USP47: variants seen among roughly 807,000 people sequenced by gnomAD.
The protein encoded by USP47 is ubiquitin carboxyl-terminal hydrolase 47.
A neutral mutation model predicts 165.1 loss-of-function variants in USP47; 35 were observed. The observed-to-expected ratio is 0.21, with a 90% CI of 0.16 to 0.28. USP47 has a LOEUF of 0.28. Ranked by LOEUF, USP47 falls within the 10% of genes least tolerant of loss-of-function variation. USP47 has a pLI of 1.00. For synonymous variants in USP47, 531 were observed against 544.5 expected, an observed-to-expected ratio of 0.98 and a Z score of 0.35; for missense variants, 1,277 against 1,607.4, an observed-to-expected ratio of 0.79 and a Z score of 3.52.
chr11:11,851,821 A>G (rs1324576161), intron 1 of USP47, among the ~76,000 whole-genome samples: 1 of 152,046 alleles, frequency 6.6e-6, no homozygotes, highest in Non-Finnish European at 1.5e-5. Flanking sequence ...AATGGCTCTC[A>G]ATTTGGGTTT....
At chr11:11,889,415 C>A (rs1851370731) in intron 3 of USP47, among the ~76,000 whole-genome samples, 1 of 151,994 alleles carries the variant, frequency 6.6e-6, no homozygotes, top group African/African-American at 2.4e-5. Context: ...TGTATACCAA[C>A]AACAGGCAAG....
intron 20 of USP47, among the ~76,000 whole-genome samples, chr11:11,946,132 T>G (rs1855822320): frequency 6.6e-6 from 1 of 152,162 alleles, no homozygotes; most frequent in East Asian, 1.9e-4. Flanking sequence ...AGCCAATAAA[T>G]TAACACTCTT....
chr11:11,858,819 A>G (rs904988347), intron 1 of USP47, among the ~76,000 whole-genome samples: 1 of 152,162 alleles, frequency 6.6e-6, no homozygotes, highest in African/African-American at 2.4e-5. Context: ...GGTTGTTTCC[A>G]GTTTTTGGTG....
chr11:11,889,359 A>G (rs1851367215), intron 3 of USP47, among the ~76,000 whole-genome samples: 2 of 152,218 alleles, frequency 1.3e-5, no homozygotes, highest in Non-Finnish European at 2.9e-5. Flanking sequence ...CAACTTCAGC[A>G]AAGTCTCAGG....
At chr11:11,889,106 C>G (rs1209186981) in intron 3 of USP47, among the ~76,000 whole-genome samples, 5 of 152,130 alleles carry the variant, frequency 3.3e-5, no homozygotes. Flanking sequence ...CCTGAATGGG[C>G]AAAAGCTGGA....
chr11:11,842,815 C>A (rs1590207984), intron 1 of USP47, among the ~76,000 whole-genome samples: 1 of 144,956 alleles, frequency 6.9e-6, no homozygotes, highest in South Asian at 2.2e-4. Context: ...GATAGGAGAA[C>A]ATTACCACAT....
In USP47 at chr11:11,880,397, A is replaced by C. The variant is rs773072244; in HGVS notation, c.243+17A>C. ...GCTGATATGGTAAAATCCTAGACTTAAGCTTCTAAAAATGTTATTATAGCC... is the reference window on the plus strand; with the variant it reads ...GCTGATATGGTAAAATCCTAGACTTCAGCTTCTAAAAATGTTATTATAGCC... On this transcript the variant is annotated intron_variant, in intron 2 of 27. Coordinates refer to ENST00000527733, the MANE Select transcript of USP47 (RefSeq NM_001282659.2). 1.6e-6 allele frequency: 2 copies of C among 1,271,810 alleles called. No individual in the cohort carries two copies. The highest frequency in any genetic ancestry group is 3.1e-5 in the African/African-American group (2 of 64,604). 78.8% of individuals were successfully genotyped at this position (1,271,810 alleles called of 1,614,324 possible).
At chr11:11,871,740 G>A (rs1038553887) in intron 1 of USP47, among the ~76,000 whole-genome samples, 2 of 152,084 alleles carry the variant, frequency 1.3e-5, no homozygotes, top group Admixed American at 1.3e-4. Context: ...TGCCCTGCGA[G>A]TTGTAGCTCT....
intron 8 of USP47, 47 bp from the exon 9 acceptor site, chr11:11,920,109 T>G (rs1187740432): frequency 7.4e-7 from 1 of 1,353,266 alleles, no homozygotes; most frequent in Non-Finnish European, 9.9e-7. Flanking sequence ...ATTTTGTCAT[T>G]AATATAATAT....
intron 1 of USP47, among the ~76,000 whole-genome samples, chr11:11,879,588 C>T (rs565707799): frequency 2.0e-5 from 3 of 152,152 alleles, no homozygotes; most frequent in South Asian, 2.1e-4. Context: ...CCTCCTGGCT[C>T]ATCTGTTTGG....
intron 1 of USP47, among the ~76,000 whole-genome samples, chr11:11,849,225 T>G (rs1189677434): frequency 6.6e-6 from 1 of 152,244 alleles, no homozygotes; most frequent in African/African-American, 2.4e-5. Flanking sequence ...TATTTCAGTT[T>G]ATAATGACTC....
At chr11:11,912,640 C>T (rs563396188) in intron 8 of USP47, among the ~76,000 whole-genome samples, 2 of 148,866 alleles carry the variant, frequency 1.3e-5, no homozygotes, top group African/African-American at 2.5e-5. Context: ...AATTTCTTTT[C>T]AAAAAAAAAG....
intron 7 of USP47, 55 bp from the exon 8 acceptor site, chr11:11,905,344 T>G: frequency 1.5e-6 from 2 of 1,339,958 alleles, no homozygotes; most frequent in Non-Finnish European, 2.0e-6. Context: ...GAATGTTACA[T>G]GTTTTAAAGG....
intron 17 of USP47, among the ~76,000 whole-genome samples, chr11:11,937,202 A>G (rs1211314240): frequency 2.0e-5 from 3 of 151,906 alleles, no homozygotes. Flanking sequence ...TATAATTACC[A>G]TATGTAAATT....
chr11:11,916,588 TAGAA>T (rs1320770716), intron 8 of USP47, among the ~76,000 whole-genome samples: 27 of 150,384 alleles, frequency 1.8e-4, no homozygotes, highest in Admixed American at 3.3e-4. Context: ...CAAGAGAAAA[TAGAA>T]AGAAGATCTA....
Position 11,947,917 on chromosome 11 carries a change from C to A in USP47, c.3092-28C>A, listed in dbSNP as rs189669048. On this transcript the variant is annotated intron_variant, in intron 20 of 27. Coordinates refer to ENST00000527733, the MANE Select transcript of USP47 (RefSeq NM_001282659.2). Reference sequence around the variant, plus strand: ...CAGAGGTTTCTTTTACATTTTTGTTCCTGTTTTGGTTTTTTTTTTGTGCTT... The same window carrying A: ...CAGAGGTTTCTTTTACATTTTTGTTACTGTTTTGGTTTTTTTTTTGTGCTT... 3.6e-4 allele frequency: 562 copies of A among 1,564,602 alleles called. 2 individuals are homozygous for A. In the African/African-American group the frequency reaches 6.1e-3, roughly 17 times the overall value.
At chr11:11,905,084 A>G (rs1300629719) in intron 7 of USP47, among the ~76,000 whole-genome samples, 1 of 151,988 alleles carries the variant, frequency 6.6e-6, no homozygotes, top group African/African-American at 2.4e-5. Context: ...GATTTCATCA[A>G]AACATTAATC....
At chr11:11,904,248 T>G (rs1852404532) in intron 7 of USP47, among the ~76,000 whole-genome samples, 1 of 152,158 alleles carries the variant, frequency 6.6e-6, no homozygotes, top group Non-Finnish European at 1.5e-5. Flanking sequence ...CAAAAGGCCG[T>G]CCTAGGTGAA....
intron 5 of USP47, among the ~76,000 whole-genome samples, chr11:11,897,992 A>T (rs1289371390): frequency 6.6e-6 from 1 of 152,108 alleles, no homozygotes; most frequent in Non-Finnish European, 1.5e-5. Flanking sequence ...GAAATAAATA[A>T]CTGCTTTTGA....
Sources: gnomAD v4.1 joint callset for allele counts (sites outside exome capture counted in the v4.1 genomes callset) on GRCh38, gnomAD v4.1.1 for gene constraint, MANE v1.5 for transcripts, NCBI Gene and HGNC (gene_info 2026-07-23, HGNC 2026-07-21) for gene names.